Variants in UBAC2 observed in about 807,000 individuals in gnomAD.
The protein encoded by UBAC2 is ubiquitin-associated domain-containing protein 2.
A neutral mutation model predicts 44.0 loss-of-function variants in UBAC2; 26 were observed. That is an observed-to-expected ratio of 0.59 (90% CI 0.43 to 0.82). UBAC2 has a LOEUF of 0.82. UBAC2 is among the 40% of genes least tolerant of loss of function. The pLI, the probability that UBAC2 is intolerant of heterozygous loss-of-function variation, is 0.00. For synonymous variants in UBAC2, 155 were observed against 154.3 expected, an observed-to-expected ratio of 1.00 and a Z score of -0.04; for missense variants, 329 against 419.4, an observed-to-expected ratio of 0.78 and a Z score of 1.88.
chr13:99,258,092 A>C (rs1339803313), intron 4 of UBAC2: 4 of 152,244 alleles, frequency 2.6e-5, no homozygotes, highest in Non-Finnish European at 4.4e-5. Context: ...ATGATTTTTG[A>C]AATGCAGTAC....
chr13:99,351,870 T>C (rs1045318504), intron 7 of UBAC2: 4 of 418,088 alleles, frequency 9.6e-6, no homozygotes, highest in Non-Finnish European at 1.9e-5. Context: ...TTATCACCTC[T>C]GTGTTTTGCC....
chr13:99,296,882 A>T (rs540926954), intron 4 of UBAC2, among the ~76,000 whole-genome samples: 4 of 152,214 alleles, frequency 2.6e-5, no homozygotes, highest in African/African-American at 9.6e-5. Flanking sequence ...TTAAAACTCT[A>T]TCAATCTGCA....
In UBAC2 at chr13:99,315,663, T is replaced by C. The variant is rs147380829; in HGVS notation, c.513+1443T>C. 2.6e-5 allele frequency among the ~76,000 whole-genome samples: 4 copies of C among 152,260 alleles called. No individual in the cohort carries two copies. In the East Asian group the frequency reaches 7.7e-4, roughly 29 times the overall value. ...CAAATGGGGATGATAATATCTACCT[T>C]ACAGAGGTATTTTAAAGATAGCATG... On this transcript the variant is annotated intron_variant, in intron 5 of 8. Coordinates refer to ENST00000403766, the MANE Select transcript of UBAC2 (RefSeq NM_001144072.2).
At chr13:99,342,458 T>C (rs927527540) in intron 7 of UBAC2, among the ~76,000 whole-genome samples, 7 of 152,128 alleles carry the variant, frequency 4.6e-5, no homozygotes, top group African/African-American at 1.7e-4. Context: ...GCTGAGTGAC[T>C]GTTCTGCTTG....
At chr13:99,287,643 C>CTTTTTTTTTTTTTTTTTTTTTTTTTTT (rs11304203) in intron 4 of UBAC2, among the ~76,000 whole-genome samples, 4 of 95,162 alleles carry the variant, frequency 4.2e-5, no homozygotes, top group Non-Finnish European at 5.9e-5. Flanking sequence ...TTTTTTCTTT[C>CTTTTTTTTTTTTTTTTTTTTTTTTTTT]TTTTTTTTTT....
chr13:99,269,493 T>C (rs2043789983), intron 4 of UBAC2, among the ~76,000 whole-genome samples: 1 of 152,174 alleles, frequency 6.6e-6, no homozygotes, highest in African/African-American at 2.4e-5. Flanking sequence ...ATCTAAGTGA[T>C]TGATTTTTTG....
In UBAC2 at chr13:99,340,300, A is replaced by G. The variant is rs374625597; in HGVS notation, c.562-20A>G. ...AATAATACTACATTTAAACAATCAC[A>G]TTGGACGTTTTTCTTCTAGATGTCC... is the stretch of plus-strand genomic sequence containing the variant. On this transcript the variant is annotated intron_variant, in intron 6 of 8. Transcript: ENST00000403766. The G allele has an allele frequency of 6.2e-7, 1 of 1,612,022 alleles. No homozygotes were observed. Among genetic ancestry groups the G allele is most frequent in the African/African-American group, 1.3e-5 (1 of 74,962 alleles).
chr13:99,286,553 G>T (rs1045239814), intron 4 of UBAC2, among the ~76,000 whole-genome samples: 3 of 151,738 alleles, frequency 2.0e-5, no homozygotes, highest in Non-Finnish European at 4.4e-5. Context: ...TTTATTACAT[G>T]GGTAAATTGT....
intron 7 of UBAC2, among the ~76,000 whole-genome samples, chr13:99,342,069 C>G (rs1433151605): frequency 6.6e-6 from 1 of 152,180 alleles, no homozygotes; most frequent in Non-Finnish European, 1.5e-5. Flanking sequence ...AGATTGGCCT[C>G]CCCAGGAAGA....
intron 6 of UBAC2, among the ~76,000 whole-genome samples, chr13:99,323,095 C>T (rs1360756624): frequency 6.6e-6 from 1 of 151,972 alleles, no homozygotes; most frequent in Non-Finnish European, 1.5e-5. Flanking sequence ...TCTGCGCCGC[C>T]TTTGCTTGTG....
At chr13:99,262,292 G>T (rs550236286) in intron 4 of UBAC2, among the ~76,000 whole-genome samples, 2 of 152,224 alleles carry the variant, frequency 1.3e-5, no homozygotes, top group Admixed American at 1.3e-4. Context: ...GTAAGTATAG[G>T]GTTTGGTACT....
At chr13:99,310,841 A>G (rs976208183) in intron 4 of UBAC2, among the ~76,000 whole-genome samples, 10 of 152,206 alleles carry the variant, frequency 6.6e-5, no homozygotes, top group African/African-American at 2.4e-4. Context: ...CTTTATTACT[A>G]AATGTAAACA....
chr13:99,320,631 C>T (rs2044555558), intron 6 of UBAC2, among the ~76,000 whole-genome samples: 1 of 152,106 alleles, frequency 6.6e-6, no homozygotes, highest in Admixed American at 6.5e-5. Context: ...GGCCAGTTTT[C>T]CTATGTTCCT....
chr13:99,383,311 A>G (rs529431853), intron 8 of UBAC2, among the ~76,000 whole-genome samples: 1 of 152,346 alleles, frequency 6.6e-6, no homozygotes, highest in South Asian at 2.1e-4. Flanking sequence ...CTAGGACAGT[A>G]CATATCTCTG....
chr13:99,233,757 A>G (rs775574788), intron 1 of UBAC2, among the ~76,000 whole-genome samples: 2 of 152,192 alleles, frequency 1.3e-5, no homozygotes, highest in Non-Finnish European at 2.9e-5. Flanking sequence ...CAAAATTATC[A>G]TTATGTAAAC....
At chr13:99,244,742 T>G (rs2043361025) in intron 4 of UBAC2, 118 bp downstream of exon 4, 2 of 546,894 alleles carry the variant, frequency 3.7e-6, no homozygotes, top group Admixed American at 3.7e-5. Context: ...ATAGTTAAAT[T>G]GATTTTATAT....
chr13:99,320,751 A>G (rs1312218403), intron 6 of UBAC2, among the ~76,000 whole-genome samples: 1 of 152,156 alleles, frequency 6.6e-6, no homozygotes, highest in Non-Finnish European at 1.5e-5. Flanking sequence ...CATACTTTAG[A>G]TAAGGAAGAT....
chr13:99,295,545 A>C lies in UBAC2; in HGVS notation c.390-18552A>C. On this transcript the variant is annotated intron_variant, in intron 4 of 8. Coordinates refer to ENST00000403766, the MANE Select transcript of UBAC2 (RefSeq NM_001144072.2). This position sits in a 1 kb window ranked among gnomAD's most constrained non-coding sequence, Gnocchi z 4.1. ...AGTGGAAGTACATATCCTATGAAAC[A>C]TGCCCCAAGCAGAATCCAGGGAAGA... The C allele has an allele frequency of 6.2e-7, 1 of 1,614,004 alleles. No homozygotes were observed. The highest frequency in any genetic ancestry group is 8.5e-7 in the Non-Finnish European group (1 of 1,180,010).
intron 7 of UBAC2, among the ~76,000 whole-genome samples, chr13:99,360,370 T>C (rs1403986978): frequency 6.6e-6 from 1 of 152,260 alleles, no homozygotes; most frequent in African/African-American, 2.4e-5. Flanking sequence ...TTAACTCTTT[T>C]GATTCTCATA....
Sources: allele counts gnomAD v4.1 joint callset (sites outside exome capture counted in the v4.1 genomes callset), GRCh38; gene constraint gnomAD v4.1.1; non-coding constraint Gnocchi (gnomAD v3.1); transcripts MANE v1.5; gene names NCBI Gene and HGNC (gene_info 2026-07-23, HGNC 2026-07-21).